Variants in SLC2A12 observed in about 807,000 individuals in gnomAD.
The protein encoded by SLC2A12 is solute carrier family 2, facilitated glucose transporter member 12.
In SLC2A12, 23 loss-of-function variants were observed where a neutral mutation model predicts 41.8. The ratio of observed to expected loss-of-function variants is 0.55; its 90% CI spans 0.40 to 0.78. The LOEUF (loss-of-function observed/expected upper bound fraction) is 0.78. SLC2A12 is among the 30% of genes least tolerant of loss of function. The pLI is 0.00. For synonymous variants in SLC2A12, 295 were observed against 285.9 expected (o/e 1.03, Z -0.32); for missense variants, 654 against 745.6 (o/e 0.88, Z 1.43).
In SLC2A12 at chr6:134,028,931, C is replaced by T; in HGVS notation, c.894G>A (p.Leu298=). Residue 298 remains leucine (L), a synonymous_variant, in exon 2 of 5, where the codon TTG becomes TTA. Transcript: ENST00000275230. ...ACTTCAAAACAGTTGATGCATAGAA[C>T]AATATGTTTGGTTGGCCAGTGATTT... ...FVQITGQPNI[L]FYASTVLKSV... The T allele has an allele frequency of 6.2e-7, 1 of 1,614,202 alleles. No individual in the cohort carries two copies. Among genetic ancestry groups the T allele is most frequent in the South Asian group, 1.1e-5 (1 of 91,082 alleles).
chr6:133,987,631 T>C lies in SLC2A12; in HGVS notation c.*3524A>G, dbSNP rs1486871574. ...TTCTTTTTGAAGTGTATTTTGTGTG[T>C]GTGTGTGTGTGTGTGTGTATATATA... On this transcript the variant is annotated 3_prime_UTR_variant, in exon 5 of 5. Coordinates refer to ENST00000275230, the MANE Select transcript of SLC2A12 (RefSeq NM_145176.3). 6.8e-6 allele frequency: 1 copy of C among 146,098 alleles called. No individual in the cohort carries two copies. The highest frequency in any genetic ancestry group is 1.9e-4 in the East Asian group (1 of 5,166). The allele number at this position is 146,098 out of a possible 1,614,324, so 9.1% of individuals were successfully genotyped here. A position where few individuals can be genotyped will look rare whatever the true frequency, so the allele number is the denominator to read the frequency against.
intron 1 of SLC2A12, among the ~76,000 whole-genome samples, chr6:134,036,874 T>C (rs796683238): frequency 1.3e-5 from 2 of 152,208 alleles, no homozygotes; most frequent in Non-Finnish European, 2.9e-5. Flanking sequence ...TGTTTTATTG[T>C]CACAACTATA....
intron 2 of SLC2A12, among the ~76,000 whole-genome samples, chr6:134,017,094 C>T (rs1033255370): frequency 1.3e-5 from 2 of 152,094 alleles, no homozygotes; most frequent in Non-Finnish European, 2.9e-5. Context: ...AGCTGGGTCT[C>T]ATATTTGGAG....
intron 1 of SLC2A12, among the ~76,000 whole-genome samples, chr6:134,037,596 G>T (rs1050086356): frequency 3.3e-5 from 5 of 152,076 alleles, no homozygotes; most frequent in Non-Finnish European, 7.4e-5. Flanking sequence ...CCCGTGATCT[G>T]CCTGTCTCGG....
intron 3 of SLC2A12, among the ~76,000 whole-genome samples, chr6:134,003,698 G>A (rs997999463): frequency 6.6e-6 from 1 of 152,134 alleles, no homozygotes; most frequent in East Asian, 1.9e-4. Flanking sequence ...CCACAGCATA[G>A]GTTACTGCCC....
rs1773708317 is a variant in SLC2A12, at chr6:134,052,590, A to G, written c.-110T>C. On this transcript the variant is annotated 5_prime_UTR_variant, in exon 1 of 5. Transcript: ENST00000275230. Reference sequence around the variant, plus strand: ...TAGCATGCTAAAGAAGAGTGTGGGGAAAAACTTCGGGCAAAGCTAATGTGA... The same window carrying G: ...TAGCATGCTAAAGAAGAGTGTGGGGGAAAACTTCGGGCAAAGCTAATGTGA... 6.2e-6 allele frequency: 5 copies of G among 807,006 alleles called. No individual in the cohort carries two copies. Among genetic ancestry groups the G allele is most frequent in the Non-Finnish European group, 8.0e-6 (4 of 500,014 alleles). 50.0% of individuals were successfully genotyped at this position (807,006 alleles called of 1,614,324 possible). A position where few individuals can be genotyped will look rare whatever the true frequency, so the allele number is the denominator to read the frequency against.
intron 1 of SLC2A12, among the ~76,000 whole-genome samples, chr6:134,037,144 ATTTTTTTTTTTTTTT>A (rs533155835): frequency 2.4e-5 from 2 of 83,310 alleles, no homozygotes; most frequent in East Asian, 3.1e-4. Context: ...ACTCGATTCA[ATTTTTTTTTTTTTTT>A]TTTTTTTTTT....
At chr6:134,003,177 T>C (rs1776773692) in intron 3 of SLC2A12, among the ~76,000 whole-genome samples, 1 of 152,200 alleles carries the variant, frequency 6.6e-6, no homozygotes, top group African/African-American at 2.4e-5. Context: ...TAACTACTTG[T>C]CGGTGAGTTG....
At chr6:134,035,320 C>T (rs537325349) in intron 1 of SLC2A12, among the ~76,000 whole-genome samples, 1 of 152,128 alleles carries the variant, frequency 6.6e-6, no homozygotes, top group Non-Finnish European at 1.5e-5. Context: ...ACCACTCCGC[C>T]CCAAAGCAAA....
rs1459396173 is a variant in SLC2A12 at position 133,988,776 on chromosome 6, A to T, written c.*2379T>A. The T allele has an allele frequency of 6.6e-6, 1 of 151,960 alleles. No individual in the cohort carries two copies. The highest frequency in any genetic ancestry group is 1.5e-5 in the Non-Finnish European group (1 of 68,010). The allele number at this position is 151,960 out of a possible 1,614,324, so 9.4% of individuals were successfully genotyped here. A position where few individuals can be genotyped will look rare whatever the true frequency, so the allele number is the denominator to read the frequency against. ...TTCCTTTATTTTAAGATTCAGTAGG[A>T]TAGCCAAATTCATAGAGAATAAAAT... On this transcript the variant is annotated 3_prime_UTR_variant, in exon 5 of 5. Transcript: ENST00000275230.
At chr6:134,016,640 C>G (rs1175585982) in intron 2 of SLC2A12, among the ~76,000 whole-genome samples, 1 of 151,986 alleles carries the variant, frequency 6.6e-6, no homozygotes, top group East Asian at 1.9e-4. Context: ...TTGTCTCTGA[C>G]CAAGGAGTCT....
At chr6:134,001,582 G>A (rs984590570) in intron 4 of SLC2A12, among the ~76,000 whole-genome samples, 1 of 152,008 alleles carries the variant, frequency 6.6e-6, no homozygotes, top group African/African-American at 2.4e-5. Context: ...AACCTTGTAC[G>A]TACATATTGG....
chr6:134,020,360 A>G (rs1204521099), intron 2 of SLC2A12, among the ~76,000 whole-genome samples: 2 of 152,196 alleles, frequency 1.3e-5, no homozygotes, highest in East Asian at 3.8e-4. Flanking sequence ...ATTACAAGCA[A>G]TAAACTCTCT....
At chr6:134,019,149 GTTAA>G (rs751402195) in intron 2 of SLC2A12, among the ~76,000 whole-genome samples, 2 of 152,108 alleles carry the variant, frequency 1.3e-5, no homozygotes, top group African/African-American at 2.4e-5. Context: ...GAAAGAAGAG[GTTAA>G]TTAATTAATT....
At chr6:134,017,721 G>A (rs1346995030) in intron 2 of SLC2A12, among the ~76,000 whole-genome samples, 2 of 152,190 alleles carry the variant, frequency 1.3e-5, no homozygotes, top group African/African-American at 4.8e-5. Context: ...AGGCGTGGTG[G>A]CGGGCGCCTG....
Position 134,041,373 on chromosome 6 carries a change from C to T in SLC2A12, c.103+11005G>A, listed in dbSNP as rs557850478. Among the ~76,000 whole-genome samples the T allele has an allele frequency of 2.0e-5, 3 of 152,168 alleles. No homozygotes were observed. The South Asian group carries it at 6.2e-4, about 32-fold the overall frequency. ...GTGGCTCACACCTGTAATCCCAGTG[C>T]TTTGGGAGGCAAGGCAGGAGGATTG... On this transcript the variant is annotated intron_variant, in intron 1 of 4. Coordinates refer to ENST00000275230, the MANE Select transcript of SLC2A12 (RefSeq NM_145176.3).
chr6:134,007,357 C>T (rs1471671212), intron 2 of SLC2A12, among the ~76,000 whole-genome samples: 1 of 152,222 alleles, frequency 6.6e-6, no homozygotes, highest in Non-Finnish European at 1.5e-5. Flanking sequence ...CCTCAGCTCT[C>T]TCCCCCTGAC....
Position 134,028,852 on chromosome 6 carries a change from C to T in SLC2A12, c.973G>A (p.Val325Ile), listed in dbSNP as rs550763458. 1 of 1,614,216 alleles carries T rather than the reference C, an allele frequency of 6.2e-7. No homozygotes were observed. Among genetic ancestry groups the T allele is most frequent in the African/African-American group, 1.3e-5 (1 of 75,072 alleles). ...GGGATGGTGCTAATGACCTTGACGA[C>T]TCCAACCCCAGTGGAGGCGAGGCTA... ...AASLASTGVG[V>I]VKVISTIPAT... is the part of the protein sequence containing the mutation. The change falls in exon 2 of 5, where the codon GTC (valine) becomes ATC (isoleucine). Residue 325 changes from valine (V) to isoleucine (I), a missense_variant. Val to Ile is a conservative substitution (Grantham distance 29). Coordinates refer to ENST00000275230, the MANE Select transcript of SLC2A12 (RefSeq NM_145176.3).
At chr6:134,040,058 G>GTTTTTTTTTTTTTTTTT (rs11371413) in intron 1 of SLC2A12, among the ~76,000 whole-genome samples, 9 of 139,310 alleles carry the variant, frequency 6.5e-5, no homozygotes, top group Non-Finnish European at 1.2e-4. Context: ...GTTGTTTTTT[G>GTTTTTTTTTTTTTTTTT]TTTTTTTTTT....
Sources: gnomAD v4.1 joint callset for allele counts (sites outside exome capture counted in the v4.1 genomes callset) on GRCh38, gnomAD v4.1.1 for gene constraint, MANE v1.5 for transcripts, NCBI Gene and HGNC (gene_info 2026-07-23, HGNC 2026-07-21) for gene names.